The following FBXL17 variants were observed in gnomAD, a reference collection of about 807,000 sequenced individuals.
FBXL17 encodes the protein F-box and leucine rich repeat protein 17.
In FBXL17, 22 loss-of-function variants were observed where a neutral mutation model predicts 66.2. The ratio of observed to expected loss-of-function variants is 0.33; its 90% CI spans 0.24 to 0.47. The LOEUF (loss-of-function observed/expected upper bound fraction) is 0.47, where lower values mean the gene tolerates loss of function less well. Among genes scored for constraint, FBXL17 ranks in the 20% least tolerant of loss-of-function variants. The pLI, the probability that FBXL17 is intolerant of heterozygous loss-of-function variation, is 1.00. For synonymous variants in FBXL17, 474 were observed against 400.5 expected (o/e 1.18, Z -2.19); for missense variants, 878 against 948.2 (o/e 0.93, Z 0.97).
At chr5:107,994,244 CTG>C (rs1433743062) in intron 7 of FBXL17, among the ~76,000 whole-genome samples, 1 of 152,046 alleles carries the variant, frequency 6.6e-6, no homozygotes, top group African/African-American at 2.4e-5. Context: ...ATAAAATCCT[CTG>C]TTTTAATGCC....
chr5:108,157,956 G>C (rs1158795633), intron 6 of FBXL17, among the ~76,000 whole-genome samples: 3 of 151,828 alleles, frequency 2.0e-5, no homozygotes, highest in African/African-American at 7.3e-5. Context: ...AGAAAAGAGG[G>C]AAAGTTCACA....
chr5:108,158,713 C>T (rs1240056394), intron 6 of FBXL17, among the ~76,000 whole-genome samples: 1 of 152,084 alleles, frequency 6.6e-6, no homozygotes, highest in Non-Finnish European at 1.5e-5. Flanking sequence ...AATTTGATTT[C>T]TAGAGAATCA....
chr5:107,979,562 G>A (rs1190324689), intron 7 of FBXL17, among the ~76,000 whole-genome samples: 1 of 152,210 alleles, frequency 6.6e-6, no homozygotes, highest in Non-Finnish European at 1.5e-5. Flanking sequence ...AGCATCCCTT[G>A]CTGAGACTCC....
intron 7 of FBXL17, among the ~76,000 whole-genome samples, chr5:107,936,594 G>A (rs1750915772): frequency 6.6e-6 from 1 of 152,004 alleles, no homozygotes; most frequent in Non-Finnish European, 1.5e-5. Context: ...ACATTAGAAT[G>A]ACTGATGTGT....
chr5:108,294,282 GAAA>G (rs397882564), intron 4 of FBXL17, among the ~76,000 whole-genome samples: 1 of 136,868 alleles, frequency 7.3e-6, no homozygotes, highest in Non-Finnish European at 1.6e-5. Flanking sequence ...TATATATACT[GAAA>G]AAAAAAAATA....
rs1285541995 is a variant in FBXL17 at position 107,860,396 on chromosome 5, C to A, written c.*1324G>T. On this transcript the variant is annotated 3_prime_UTR_variant, in exon 9 of 9. Coordinates refer to ENST00000542267, the MANE Select transcript of FBXL17 (RefSeq NM_001163315.3). ...GCTCCCTGATGTCCTCATTATAAAT[C>A]TAGACACAGGAACAGTTATTTGAGC... 2 of 152,624 alleles carry A rather than the reference C, an allele frequency of 1.3e-5. No individual in the cohort carries two copies. Among genetic ancestry groups the A allele is most frequent in the African/African-American group, 4.8e-5 (2 of 41,454 alleles). 9.5% of individuals were successfully genotyped at this position (152,624 alleles called of 1,614,324 possible). A position where few individuals can be genotyped will look rare whatever the true frequency, so the allele number is the denominator to read the frequency against.
chr5:107,928,976 G>A (rs1048516956), intron 7 of FBXL17, among the ~76,000 whole-genome samples: 1 of 152,130 alleles, frequency 6.6e-6, no homozygotes, highest in African/African-American at 2.4e-5. Context: ...TCTTGTGCAG[G>A]AGTGAATAGT....
intron 6 of FBXL17, among the ~76,000 whole-genome samples, chr5:108,160,597 C>A (rs1467583082): frequency 6.6e-6 from 1 of 152,082 alleles, no homozygotes; most frequent in Non-Finnish European, 1.5e-5. Context: ...ATCTGAACTA[C>A]AGACAAAAAT....
chr5:108,255,200 G>A (rs1174385446), intron 4 of FBXL17, among the ~76,000 whole-genome samples: 1 of 152,070 alleles, frequency 6.6e-6, no homozygotes, highest in African/African-American at 2.4e-5. Flanking sequence ...CATTAAGATA[G>A]ACCATAATCA....
Position 107,921,984 on chromosome 5 carries a change from T to A in FBXL17, c.1823-40805A>T, listed in dbSNP as rs532728112. The stretch of plus-strand genomic sequence containing the variant: ...GACCTGGGTATCACCTGACAGATTC[T>A]GAACAATGATGCCTGCTGCTGGCTT... On this transcript the variant is annotated intron_variant, in intron 7 of 8. Transcript: ENST00000542267. Among the ~76,000 whole-genome samples, 10 of 152,174 alleles carry A rather than the reference T, an allele frequency of 6.6e-5. No individual in the cohort carries two copies. The South Asian group carries it at 2.1e-3, about 32-fold the overall frequency.
At chr5:108,307,292 T>C (rs889486576) in intron 4 of FBXL17, among the ~76,000 whole-genome samples, 5 of 152,100 alleles carry the variant, frequency 3.3e-5, no homozygotes, top group African/African-American at 7.2e-5. Flanking sequence ...TTTGAGTATA[T>C]GTAAAATCTT....
At chr5:108,183,034 A>ATTTTTTTTT (rs34101023) in intron 6 of FBXL17, among the ~76,000 whole-genome samples, 6 of 91,522 alleles carry the variant, frequency 6.6e-5, no homozygotes, top group African/African-American at 2.1e-4. Context: ...ACAGTTTTCT[A>ATTTTTTTTT]TTTTTTTTTT....
Position 108,298,591 on chromosome 5 carries a change from T to TA in FBXL17, c.1506+49807dup, listed in dbSNP as rs535262978. The TA allele has an allele frequency of 1.4e-4, 131 of 946,882 alleles. 1 individual carries two copies. The Middle Eastern group carries it at 5.5e-3, about 40-fold the overall frequency. The allele number at this position is 946,882 out of a possible 1,614,324, so 58.7% of individuals were successfully genotyped here. A position where few individuals can be genotyped will look rare whatever the true frequency, so the allele number is the denominator to read the frequency against. On this transcript the variant is annotated intron_variant, in intron 4 of 8. Coordinates refer to ENST00000542267, the MANE Select transcript of FBXL17 (RefSeq NM_001163315.3). ...GAGATGGGAAACAATGTTGTAACTG[T>TA]AAAAAAATATAAATCTTTTTTTTAA...
At chr5:108,226,723 T>C (rs2150079726) in intron 4 of FBXL17, among the ~76,000 whole-genome samples, 1 of 152,318 alleles carries the variant, frequency 6.6e-6, no homozygotes, top group Admixed American at 6.5e-5. Context: ...AAACTTCATC[T>C]AGTCTGTCAA....
intron 6 of FBXL17, among the ~76,000 whole-genome samples, chr5:108,042,256 G>T (rs551240233): frequency 2.6e-5 from 4 of 152,110 alleles, no homozygotes; most frequent in African/African-American, 9.7e-5. Flanking sequence ...GTTGAAAGAC[G>T]TAGAGAGAGC....
chr5:108,326,341 A>G (rs556760166), intron 4 of FBXL17, among the ~76,000 whole-genome samples: 1 of 152,084 alleles, frequency 6.6e-6, no homozygotes, highest in East Asian at 1.9e-4. Flanking sequence ...ATCTGTAATC[A>G]CAGCACTTTG....
rs372102629 is a variant in FBXL17, at chr5:107,966,511, A to G, written c.1822+54414T>C. Among the ~76,000 whole-genome samples, 9 of 152,240 alleles carry G rather than the reference A, an allele frequency of 5.9e-5. No homozygotes were observed. The East Asian group carries it at 7.7e-4, about 13-fold the overall frequency. On this transcript the variant is annotated intron_variant, in intron 7 of 8. Transcript: ENST00000542267. ...GTAACTTACACATACTTTTCAAGCA[A>G]TCCCTGTTTCCACTACCCACACCTT...
chr5:108,367,966 A>G lies in FBXL17; in HGVS notation c.994-13T>C, dbSNP rs1748778990. The G allele has an allele frequency of 1.9e-6, 3 of 1,549,346 alleles. No individual in the cohort carries two copies. On this transcript the variant is annotated splice_polypyrimidine_tract_variant and intron_variant, in intron 1 of 8. Transcript: ENST00000542267. ...AATTGGAAAATATCTGTGAATAAAAAACGGTACCATATAATATGTGCTAAA... is the reference window on the plus strand; with the variant it reads ...AATTGGAAAATATCTGTGAATAAAAGACGGTACCATATAATATGTGCTAAA...
At chr5:108,238,088 C>T (rs1447461542) in intron 4 of FBXL17, among the ~76,000 whole-genome samples, 1 of 152,092 alleles carries the variant, frequency 6.6e-6, no homozygotes, top group Non-Finnish European at 1.5e-5. Context: ...TATTAATGCA[C>T]CAGGAAGCCT....
Sources: gnomAD v4.1 joint callset for allele counts (sites outside exome capture counted in the v4.1 genomes callset) on GRCh38, gnomAD v4.1.1 for gene constraint, MANE v1.5 for transcripts, NCBI Gene and HGNC (gene_info 2026-07-23, HGNC 2026-07-21) for gene names.